Variants in FAM13A observed in about 807,000 individuals in gnomAD.
FAM13A encodes the protein protein FAM13A.
A neutral mutation model predicts 129.6 loss-of-function variants in FAM13A; 76 were observed. That is an observed-to-expected ratio of 0.59 (90% confidence interval 0.49 to 0.71). FAM13A has a LOEUF of 0.71. Among genes scored for constraint, FAM13A ranks in the 30% least tolerant of loss-of-function variants. FAM13A has a pLI of 0.00. For synonymous variants in FAM13A, 443 were observed against 449.9 expected, an observed-to-expected ratio of 0.98 and a Z score of 0.20; for missense variants, 1,108 against 1,249.3, an observed-to-expected ratio of 0.89 and a Z score of 1.70.
At chr4:88,944,261 A>G (rs1755263513) in intron 4 of FAM13A, among the ~76,000 whole-genome samples, 1 of 152,152 alleles carries the variant, frequency 6.6e-6, no homozygotes, top group Non-Finnish European at 1.5e-5. Flanking sequence ...CTGAAGTGGG[A>G]GGACCTCTTG....
rs1032226540 is a variant in FAM13A at position 88,788,053 on chromosome 4, T to G, written c.1092-121A>C. ...CCAGTGGAAAGTCTTTAGAACTTCA[T>G]AAGCAAAGAGAGATGATGAGGCATT... is the stretch of plus-strand genomic sequence containing the variant. On this transcript the variant is annotated intron_variant, in intron 9 of 23. Coordinates refer to ENST00000264344, the MANE Select transcript of FAM13A (RefSeq NM_014883.4). The G allele has an allele frequency of 9.9e-6, 7 of 704,248 alleles. No individual in the cohort carries two copies. In the Admixed American group the frequency reaches 2.2e-4, roughly 22 times the overall value. 43.6% of individuals were successfully genotyped at this position (704,248 alleles called of 1,614,324 possible). A position where few individuals can be genotyped will look rare whatever the true frequency, so the allele number is the denominator to read the frequency against.
At chr4:88,751,236 T>C (rs372691978) in intron 14 of FAM13A, among the ~76,000 whole-genome samples, 14 of 152,128 alleles carry the variant, frequency 9.2e-5, no homozygotes, top group African/African-American at 3.4e-4. Context: ...AGTGAGACTT[T>C]GTCTCAAAAA....
chr4:88,978,158 T>C (rs1434273475), intron 4 of FAM13A, among the ~76,000 whole-genome samples: 1 of 152,230 alleles, frequency 6.6e-6, no homozygotes, highest in Non-Finnish European at 1.5e-5. Flanking sequence ...GGGCTTTTTC[T>C]CTCTAAAAAG....
At chr4:88,922,762 G>A (rs1751348027) in intron 5 of FAM13A, among the ~76,000 whole-genome samples, 1 of 152,078 alleles carries the variant, frequency 6.6e-6, no homozygotes, top group South Asian at 2.1e-4. Context: ...GAATCCAGGA[G>A]CTGGTTTTTT....
chr4:88,986,478 A>C lies in FAM13A; in HGVS notation c.605+4495T>G, dbSNP rs148950065. Among the ~76,000 whole-genome samples the C allele has an allele frequency of 6.7e-3, 1,022 of 152,368 alleles. 13 individuals carry two copies. Among genetic ancestry groups the C allele is most frequent in the African/African-American group, 0.023 (947 of 41,592 alleles). On this transcript the variant is annotated intron_variant, in intron 4 of 23. Transcript: ENST00000264344. Reference sequence around the variant, plus strand: ...CGTAAGTGTTATAAAAATTTAAACAAAATTACATTGAAAAGGAAAAGAAGC... The same window carrying C: ...CGTAAGTGTTATAAAAATTTAAACACAATTACATTGAAAAGGAAAAGAAGC...
At chr4:88,925,521 C>T (rs1336576960) in intron 5 of FAM13A, among the ~76,000 whole-genome samples, 5 of 128,564 alleles carry the variant, frequency 3.9e-5, no homozygotes, top group Non-Finnish European at 4.6e-5. Context: ...CACATGGACA[C>T]AGGAAGGGGA....
intron 4 of FAM13A, among the ~76,000 whole-genome samples, chr4:88,942,591 T>C (rs1298307993): frequency 7.8e-6 from 1 of 128,018 alleles, no homozygotes; most frequent in Non-Finnish European, 1.8e-5. Context: ...TAAATAGAAA[T>C]GTAAAAAAAA....
chr4:88,739,729 G>C (rs1041711443), intron 19 of FAM13A, among the ~76,000 whole-genome samples: 1 of 141,878 alleles, frequency 7.0e-6, no homozygotes, highest in African/African-American at 2.7e-5. Flanking sequence ...GGAGGGTGCA[G>C]TGAGCCGAGA....
rs536996964 is a variant in FAM13A at position 88,781,879 on chromosome 4, T to C, written c.1272-528A>G. ...CGGGGAGGGATAGCATTAGGAGATA[T>C]ACCTAATGCTAAATGACGAGTTAAT... is the stretch of plus-strand genomic sequence containing the variant. On this transcript the variant is annotated intron_variant, in intron 10 of 23. Transcript: ENST00000264344. Among the ~76,000 whole-genome samples, 31 of 151,162 alleles carry C rather than the reference T, an allele frequency of 2.1e-4. No individual in the cohort carries two copies. In the South Asian group the frequency reaches 2.7e-3, roughly 13 times the overall value.
At chr4:88,901,791 C>CA (rs915387703) in intron 6 of FAM13A, among the ~76,000 whole-genome samples, 2 of 151,462 alleles carry the variant, frequency 1.3e-5, no homozygotes, top group South Asian at 2.1e-4. Context: ...AAAAACCCTT[C>CA]AAAAAAAATC....
chr4:89,008,180 A>C (rs956340132), intron 3 of FAM13A, among the ~76,000 whole-genome samples: 1 of 152,168 alleles, frequency 6.6e-6, no homozygotes, highest in Non-Finnish European at 1.5e-5. Flanking sequence ...AAATTTAATA[A>C]ATTTTAAAAA....
chr4:88,813,847 A>T (rs978540706), intron 7 of FAM13A, among the ~76,000 whole-genome samples: 1 of 152,122 alleles, frequency 6.6e-6, no homozygotes, highest in Admixed American at 6.6e-5. Flanking sequence ...GTCAACCTAC[A>T]CCTAGACTTT....
At chr4:88,998,210 G>T (rs1231611303) in intron 3 of FAM13A, among the ~76,000 whole-genome samples, 2 of 152,160 alleles carry the variant, frequency 1.3e-5, no homozygotes, top group Non-Finnish European at 2.9e-5. Context: ...AGTACAGTGA[G>T]ATAATAAATT....
intron 4 of FAM13A, among the ~76,000 whole-genome samples, chr4:88,986,136 CT>C (rs751565027): frequency 0.014 from 2,044 of 142,374 alleles, 37 homozygotes; most frequent in African/African-American, 0.041. Context: ...ATAATTTTCA[CT>C]TTTTTTTTTT....
intron 7 of FAM13A, among the ~76,000 whole-genome samples, chr4:88,809,195 C>T (rs917741410): frequency 6.6e-6 from 1 of 151,976 alleles, no homozygotes; most frequent in Non-Finnish European, 1.5e-5. Context: ...TAAGAAAAAC[C>T]AAATAATGTT....
intron 6 of FAM13A, among the ~76,000 whole-genome samples, chr4:88,899,903 C>G (rs1393580919): frequency 2.0e-5 from 3 of 151,982 alleles, no homozygotes; most frequent in African/African-American, 7.2e-5. Flanking sequence ...AATATAGGAG[C>G]TGATAGCCAG....
intron 5 of FAM13A, among the ~76,000 whole-genome samples, chr4:88,906,918 C>T (rs998793464): frequency 2.6e-5 from 4 of 152,174 alleles, no homozygotes; most frequent in Admixed American, 1.3e-4. Flanking sequence ...ATTTACCAAA[C>T]CACTATTAAA....
intron 5 of FAM13A, among the ~76,000 whole-genome samples, chr4:88,922,665 T>G (rs1751330773): frequency 6.6e-6 from 1 of 151,920 alleles, no homozygotes; most frequent in Non-Finnish European, 1.5e-5. Flanking sequence ...AGCAAACACA[T>G]TCAAAAGCTA....
chr4:88,931,355 T>C (rs1172002697), intron 5 of FAM13A, among the ~76,000 whole-genome samples: 1 of 151,314 alleles, frequency 6.6e-6, no homozygotes, highest in African/African-American at 2.4e-5. Context: ...GGGTTGAGAG[T>C]TTTTCCTATA....
Sources: gnomAD v4.1 joint callset for allele counts (sites outside exome capture counted in the v4.1 genomes callset) on GRCh38, gnomAD v4.1.1 for gene constraint, MANE v1.5 for transcripts, NCBI Gene and HGNC (gene_info 2026-07-23, HGNC 2026-07-21) for gene names.